The following CXCL17 variants were observed in gnomAD, a reference collection of about 807,000 sequenced individuals.
CXCL17 encodes C-X-C motif chemokine ligand 17.
A neutral mutation model predicts 15.5 loss-of-function variants in CXCL17; 9 were observed. That is an observed-to-expected ratio of 0.58 (90% CI 0.35 to 1.01). The LOEUF (loss-of-function observed/expected upper bound fraction) is 1.01. Ranked by LOEUF, CXCL17 falls within the 50% of genes least tolerant of loss-of-function variation. The probability of loss-of-function intolerance (pLI) is 0.02; values close to 1 mark genes in which losing one functional copy is unlikely to be tolerated. For missense variants in CXCL17, 133 were observed against 138.2 expected (o/e 0.96, Z 0.19); for synonymous variants, 52 against 52.3 (o/e 0.99, Z 0.02).
At chr19:42,441,016 T>C (rs1217455123) in intron 1 of CXCL17, among the ~76,000 whole-genome samples, 1 of 152,316 alleles carries the variant, frequency 6.6e-6, no homozygotes, top group South Asian at 2.1e-4. Context: ...CGCAAGGAAC[T>C]GTTCAGCCCA....
intron 2 of CXCL17, 73 bp downstream of exon 2, chr19:42,433,703 T>G: frequency 7.9e-7 from 1 of 1,263,430 alleles, no homozygotes; most frequent in South Asian, 1.2e-5. Flanking sequence ...TCTGCATTGG[T>G]CTCAGAGGGG....
chr19:42,430,960 C>T (rs985053111), intron 3 of CXCL17, among the ~76,000 whole-genome samples: 7 of 152,078 alleles, frequency 4.6e-5, no homozygotes, highest in Admixed American at 4.6e-4. Flanking sequence ...GTCTCAGCCT[C>T]CTAAGTAGCT....
intron 3 of CXCL17, among the ~76,000 whole-genome samples, chr19:42,430,603 A>C (rs1454135976): frequency 1.3e-5 from 2 of 151,724 alleles, no homozygotes; most frequent in Non-Finnish European, 2.9e-5. Flanking sequence ...TCAAAAAAAA[A>C]AAAAAAAGAA....
At chr19:42,433,712 G>C in intron 2 of CXCL17, 64 bp downstream of exon 2, 1 of 1,372,044 alleles carries the variant, frequency 7.3e-7, no homozygotes, top group Non-Finnish European at 1.0e-6. Flanking sequence ...GTCTCAGAGG[G>C]GCCCAAGGGA....
chr19:42,431,615 T>TA (rs2040781836), intron 3 of CXCL17, among the ~76,000 whole-genome samples: 1 of 55,692 alleles, frequency 1.8e-5, no homozygotes, highest in African/African-American at 5.7e-4. Flanking sequence ...CTCTACATCA[T>TA]TTTTTTTTCA....
intron 1 of CXCL17, among the ~76,000 whole-genome samples, chr19:42,440,109 G>A (rs910701646): frequency 6.6e-6 from 1 of 152,108 alleles, no homozygotes; most frequent in African/African-American, 2.4e-5. Flanking sequence ...AAATGCATTA[G>A]ATTTGTGAGG....
At position 42,429,957 on chromosome 19, in the gene CXCL17, C is replaced by T. The variant is rs1224103871; in HGVS notation, c.263-976G>A. 2.0e-5 allele frequency among the ~76,000 whole-genome samples: 3 copies of T among 152,108 alleles called. No individual in the cohort carries two copies. The South Asian group carries it at 6.2e-4, about 32-fold the overall frequency. ...CCGAGGTGGGCAGATTGCCTGAGCCCAGGAGTTAAAGACCAGCCTGAGCAA... is the reference window on the plus strand; with the variant it reads ...CCGAGGTGGGCAGATTGCCTGAGCCTAGGAGTTAAAGACCAGCCTGAGCAA... On this transcript the variant is annotated intron_variant, in intron 3 of 3. Transcript: ENST00000601181.
intron 1 of CXCL17, among the ~76,000 whole-genome samples, chr19:42,437,179 C>T (rs369119287): frequency 2.4e-4 from 36 of 152,186 alleles, no homozygotes; most frequent in African/African-American, 6.7e-4. Context: ...TCAAGTGATC[C>T]GCTCCCCTCG....
At chr19:42,438,381 A>AAAT (rs1555793041) in intron 1 of CXCL17, among the ~76,000 whole-genome samples, 52 of 63,844 alleles carry the variant, frequency 8.1e-4, no homozygotes, top group African/African-American at 2.1e-3. Context: ...AAAAAAAAAA[A>AAAT]ATATATATAT....
Position 42,428,614 on chromosome 19 carries a change from C to T in CXCL17, c.*270G>A. 1 of 347,294 alleles carries T rather than the reference C, an allele frequency of 2.9e-6. No homozygotes were observed. Among genetic ancestry groups the T allele is most frequent in the Non-Finnish European group, 5.2e-6 (1 of 190,592 alleles). The allele number at this position is 347,294 out of a possible 1,614,324, so 21.5% of individuals were successfully genotyped here. A position where few individuals can be genotyped will look rare whatever the true frequency, so the allele number is the denominator to read the frequency against. On this transcript the variant is annotated 3_prime_UTR_variant, in exon 4 of 4. Coordinates refer to ENST00000601181, the MANE Select transcript of CXCL17 (RefSeq NM_198477.3). Reference sequence around the variant, plus strand: ...TGCATTTAAGGTTAAATGACACTAGCTAGGAAGCTACAGTTTCCTGGAATC... The same window carrying T: ...TGCATTTAAGGTTAAATGACACTAGTTAGGAAGCTACAGTTTCCTGGAATC...
Position 42,428,892 on chromosome 19 carries a change from G to A in CXCL17, c.352C>T (p.Pro118Ser). The A allele has an allele frequency of 6.2e-7, 1 of 1,612,986 alleles. No homozygotes were observed. The highest frequency in any genetic ancestry group is 1.1e-5 in the South Asian group (1 of 91,054). Residue 118 changes from proline (P) to serine (S), a missense_variant, in exon 4 of 4, where the codon CCT becomes TCT. By Grantham distance (74) the Pro-to-Ser change is moderately conservative. Transcript: ENST00000601181. ...GTGGGCGCTCAGAGCTCCTACAAAG[G>A]CAGAGCAAAGCTTCTTAGCTGACAT... ...KQCQLRSFALPL is the reference protein window; with the variant it reads ...KQCQLRSFALSL
Position 42,428,820 on chromosome 19 carries a change from G to A in CXCL17, c.*64C>T. 8.5e-7 allele frequency: 1 copy of A among 1,175,166 alleles called. No homozygotes were observed. The highest frequency in any genetic ancestry group is 1.2e-5 in the South Asian group (1 of 82,078). 72.8% of individuals were successfully genotyped at this position (1,175,166 alleles called of 1,614,324 possible). ...TGAGGTGGGAGAAGAAGAGTGTCTG[G>A]TAGGTGTGCTCACTGTCTTCTTGGC... On this transcript the variant is annotated 3_prime_UTR_variant, in exon 4 of 4. Coordinates refer to ENST00000601181, the MANE Select transcript of CXCL17 (RefSeq NM_198477.3).
intron 3 of CXCL17, 60 bp from the exon 4 acceptor site, chr19:42,429,041 T>C: frequency 2.9e-6 from 4 of 1,378,518 alleles, no homozygotes; most frequent in Non-Finnish European, 4.1e-6. Flanking sequence ...TTTCTTTTTT[T>C]TTTGGAGACG....
At chr19:42,434,673 G>A (rs555772474) in intron 1 of CXCL17, among the ~76,000 whole-genome samples, 7 of 151,716 alleles carry the variant, frequency 4.6e-5, no homozygotes, top group Admixed American at 2.6e-4. Flanking sequence ...TAAGCGATCC[G>A]CCTGTCTTGG....
chr19:42,436,948 T>C (rs1303974749), intron 1 of CXCL17, among the ~76,000 whole-genome samples: 1 of 152,036 alleles, frequency 6.6e-6, no homozygotes, highest in Non-Finnish European at 1.5e-5. Flanking sequence ...TATTTATTTA[T>C]TTTTTTTGAG....
At chr19:42,430,119 C>G (rs1450789015) in intron 3 of CXCL17, among the ~76,000 whole-genome samples, 1 of 151,970 alleles carries the variant, frequency 6.6e-6, no homozygotes, top group African/African-American at 2.4e-5. Flanking sequence ...CATGCCACTG[C>G]ACTCCAGCCT....
intron 1 of CXCL17, among the ~76,000 whole-genome samples, chr19:42,438,381 A>AAAAATATATATATAT (rs1555793041): frequency 1.6e-5 from 1 of 63,860 alleles, no homozygotes; most frequent in African/African-American, 7.6e-5. Flanking sequence ...AAAAAAAAAA[A>AAAAATATATATATAT]ATATATATAT....
intron 2 of CXCL17, 166 bp from the exon 3 acceptor site, chr19:42,433,243 A>T (rs780042145): frequency 1.2e-5 from 7 of 598,580 alleles, no homozygotes; most frequent in Non-Finnish European, 1.7e-5. Flanking sequence ...GAATGCCAGT[A>T]TTTCTGAGTT....
intron 3 of CXCL17, among the ~76,000 whole-genome samples, chr19:42,431,008 T>A (rs1336276142): frequency 6.6e-6 from 1 of 152,150 alleles, no homozygotes; most frequent in Non-Finnish European, 1.5e-5. Context: ...CGGCTAATTT[T>A]TTTGTATTTT....
Sources: allele counts gnomAD v4.1 joint callset (sites outside exome capture counted in the v4.1 genomes callset), GRCh38; gene constraint gnomAD v4.1.1; transcripts MANE v1.5; gene names NCBI Gene and HGNC (gene_info 2026-07-23, HGNC 2026-07-21).